The following LRRFIP2 variants were observed in gnomAD, a reference collection of about 807,000 sequenced individuals.
The protein encoded by LRRFIP2 is LRR binding FLII interacting protein 2, also known as leucine-rich repeat flightless-interacting protein 2.
A neutral mutation model predicts 125.9 loss-of-function variants in LRRFIP2; 109 were observed. The ratio of observed to expected loss-of-function variants is 0.87; its 90% confidence interval spans 0.74 to 1.01. The LOEUF is 1.01. Ranked by LOEUF, LRRFIP2 falls within the 50% of genes least tolerant of loss-of-function variation. LRRFIP2 has a pLI of 0.00. For missense variants in LRRFIP2, 850 were observed against 862.3 expected (o/e 0.99, Z 0.18); for synonymous variants, 291 against 293.1 (o/e 0.99, Z 0.07).
At chr3:37,152,054 G>A (rs186910741) in intron 1 of LRRFIP2, among the ~76,000 whole-genome samples, 314 of 152,114 alleles carry the variant, frequency 2.1e-3, no homozygotes, top group Non-Finnish European at 3.9e-3. Flanking sequence ...GCAAAGATAC[G>A]GAAAAAACAC....
chr3:37,100,559 T>C (rs2093984004), intron 15 of LRRFIP2, among the ~76,000 whole-genome samples: 1 of 152,142 alleles, frequency 6.6e-6, no homozygotes. Context: ...TTTCCTTATG[T>C]TAAAGAGTTA....
chr3:37,074,692 A>G (rs2091775000), intron 20 of LRRFIP2, among the ~76,000 whole-genome samples: 1 of 152,204 alleles, frequency 6.6e-6, no homozygotes, highest in African/African-American at 2.4e-5. Flanking sequence ...CCCAAGAATC[A>G]TGTCCCAAAA....
chr3:37,056,056 A>G (rs1202108506), intron 25 of LRRFIP2, among the ~76,000 whole-genome samples: 3 of 152,174 alleles, frequency 2.0e-5, no homozygotes, highest in African/African-American at 7.2e-5. Flanking sequence ...GTAAGCAAGA[A>G]GAGGGGCCCT....
At chr3:37,117,491 A>G (rs1044189630) in intron 6 of LRRFIP2, among the ~76,000 whole-genome samples, 1 of 152,180 alleles carries the variant, frequency 6.6e-6, no homozygotes, top group Admixed American at 6.5e-5. Flanking sequence ...ATATTGTTGT[A>G]AAGAAAAGAA....
At position 37,105,146 on chromosome 3, in the gene LRRFIP2, T is replaced by G. The variant is rs563974992; in HGVS notation, c.783+309A>C. Reference sequence around the variant, plus strand: ...GAAACATTAATTTTGCTGAAGAAATTTGTCTTTGGTGAACTGCACACACAT... The same window carrying G: ...GAAACATTAATTTTGCTGAAGAAATGTGTCTTTGGTGAACTGCACACACAT... On this transcript the variant is annotated intron_variant, in intron 14 of 27. Coordinates refer to ENST00000336686, the MANE Select transcript of LRRFIP2 (RefSeq NM_006309.4). Among the ~76,000 whole-genome samples the G allele has an allele frequency of 2.0e-5, 3 of 152,302 alleles. No individual in the cohort carries two copies. In the East Asian group the frequency reaches 5.8e-4, roughly 29 times the overall value.
At chr3:37,117,747 G>A (rs548918941) in intron 6 of LRRFIP2, among the ~76,000 whole-genome samples, 2 of 152,080 alleles carry the variant, frequency 1.3e-5, no homozygotes, top group African/African-American at 4.8e-5. Context: ...ATCTCTATTA[G>A]AATGTACCTA....
intron 2 of LRRFIP2, among the ~76,000 whole-genome samples, chr3:37,146,084 C>A (rs1284002676): frequency 3.3e-5 from 5 of 152,056 alleles, no homozygotes; most frequent in Admixed American, 1.3e-4. Flanking sequence ...AGTTCAAATA[C>A]TTAGTGACAA....
intron 7 of LRRFIP2, 117 bp from the exon 8 acceptor site, chr3:37,113,097 A>G: frequency 1.9e-6 from 1 of 538,670 alleles, no homozygotes; most frequent in Non-Finnish European, 3.4e-6. Context: ...AATAGTTTAC[A>G]TGCAATTTAT....
intron 15 of LRRFIP2, 140 bp downstream of exon 15, chr3:37,102,783 TG>T (rs1316468408): frequency 1.0e-5 from 6 of 581,194 alleles, no homozygotes; most frequent in Non-Finnish European, 1.8e-5. Flanking sequence ...ATTACAAGTG[TG>T]AGCCACCATG....
At chr3:37,171,104 A>C (rs893738418) in intron 1 of LRRFIP2, 4 of 152,490 alleles carry the variant, frequency 2.6e-5, no homozygotes, top group African/African-American at 7.2e-5. Flanking sequence ...CAAAACCTTT[A>C]TTCCTTAGCT....
chr3:37,054,876 T>G (rs938394480), intron 26 of LRRFIP2, among the ~76,000 whole-genome samples: 1 of 129,330 alleles, frequency 7.7e-6, no homozygotes, highest in African/African-American at 2.6e-5. Context: ...TCCTGAAATA[T>G]CTACAAAAAC....
rs1258796474 is a variant in LRRFIP2, at chr3:37,083,818, T to G, written c.1108-12A>C. Reference sequence around the variant, plus strand: ...TCAGACAAAGATTCCTAAATGAGAGTTAAGTCATCAGTCTGATATCTAAAA... The same window carrying G: ...TCAGACAAAGATTCCTAAATGAGAGGTAAGTCATCAGTCTGATATCTAAAA... On this transcript the variant is annotated splice_polypyrimidine_tract_variant and intron_variant, in intron 18 of 27. Transcript: ENST00000336686. 1 of 1,578,182 alleles carries G rather than the reference T, an allele frequency of 6.3e-7. No homozygotes were observed. Among genetic ancestry groups the G allele is most frequent in the Non-Finnish European group, 8.6e-7 (1 of 1,167,210 alleles).
rs1410912923 is a variant in LRRFIP2, at chr3:37,055,092, C to T, written c.1944G>A (p.Glu648=). Residue 648 remains glutamate (E), a synonymous_variant, in exon 26 of 28, where the codon GAG becomes GAA. Coordinates refer to ENST00000336686, the MANE Select transcript of LRRFIP2 (RefSeq NM_006309.4). The part of the protein sequence containing the change: ...SKAEQDITTL[E]QSISRLEGQV... ...ACCATATAGAAGTACTTACACTTTGCTCCAAGGTAGTTATATCCTGTTCTG... is the reference window on the plus strand; with the variant it reads ...ACCATATAGAAGTACTTACACTTTGTTCCAAGGTAGTTATATCCTGTTCTG... The T allele has an allele frequency of 1.3e-6, 2 of 1,587,766 alleles. No homozygotes were observed. The highest frequency in any genetic ancestry group is 2.3e-5 in the South Asian group (2 of 87,806).
intron 19 of LRRFIP2, among the ~76,000 whole-genome samples, chr3:37,080,934 A>C (rs2092588374): frequency 1.3e-5 from 2 of 152,204 alleles, no homozygotes; most frequent in African/African-American, 4.8e-5. Context: ...TAGATATATA[A>C]TATGAATTAT....
intron 21 of LRRFIP2, among the ~76,000 whole-genome samples, chr3:37,072,010 T>C (rs147883176): frequency 6.6e-6 from 1 of 152,200 alleles, no homozygotes; most frequent in Non-Finnish European, 1.5e-5. Flanking sequence ...ACAGCCACCC[T>C]AGAAAGTCTT....
intron 1 of LRRFIP2, among the ~76,000 whole-genome samples, chr3:37,157,697 G>A (rs2096239035): frequency 1.3e-5 from 2 of 152,026 alleles, no homozygotes; most frequent in East Asian, 1.9e-4. Flanking sequence ...CAGAAATTGA[G>A]GCAAAGTACA....
intron 15 of LRRFIP2, among the ~76,000 whole-genome samples, chr3:37,101,057 G>A (rs561691136): frequency 2.6e-5 from 4 of 152,032 alleles, no homozygotes; most frequent in African/African-American, 4.8e-5. Flanking sequence ...ACTGTCTAAC[G>A]TTTCTATTAA....
chr3:37,125,511 T>C (rs2095242387), intron 4 of LRRFIP2, among the ~76,000 whole-genome samples: 1 of 152,226 alleles, frequency 6.6e-6, no homozygotes, highest in African/African-American at 2.4e-5. Context: ...CCAATGACTA[T>C]GCAAGTTATT....
chr3:37,099,639 C>A (rs1468456873), intron 15 of LRRFIP2, among the ~76,000 whole-genome samples: 1 of 152,136 alleles, frequency 6.6e-6, no homozygotes, highest in Non-Finnish European at 1.5e-5. Context: ...GCTAAGGATT[C>A]CATTTAGAAA....
Sources: gnomAD v4.1 joint callset for allele counts (sites outside exome capture counted in the v4.1 genomes callset) on GRCh38, gnomAD v4.1.1 for gene constraint, MANE v1.5 for transcripts, NCBI Gene and HGNC (gene_info 2026-07-23, HGNC 2026-07-21) for gene names.